Variants in SUMF1 observed in about 807,000 individuals in gnomAD.
The protein encoded by SUMF1 is sulfatase modifying factor 1.
A neutral mutation model predicts 47.6 loss-of-function variants in SUMF1; 48 were observed. That is an observed-to-expected ratio of 1.01 (90% CI 0.80 to 1.28). SUMF1 has a LOEUF of 1.28. SUMF1 is among the 50% of genes most tolerant of loss of function. The pLI is 0.00. For synonymous variants in SUMF1, 230 were observed against 192.1 expected (o/e 1.20, Z -1.63); for missense variants, 571 against 485.4 (o/e 1.18, Z -1.66).
At chr3:4,225,295 A>G (rs1237698708) in intron 8 of SUMF1, among the ~76,000 whole-genome samples, 1 of 152,134 alleles carries the variant, frequency 6.6e-6, no homozygotes. Flanking sequence ...CACAGGCCTC[A>G]GGAGCTCAGT....
At chr3:4,255,376 T>C (rs313659) in intron 8 of SUMF1, among the ~76,000 whole-genome samples, 27,668 of 68,216 alleles carry the variant, frequency 0.41, 5,754 homozygotes, top group African/African-American at 0.54. Context: ...ACCCATCTCA[T>C]GTGCAGAGAC....
chr3:4,166,932 T>C (rs957803493), intron 8 of SUMF1, among the ~76,000 whole-genome samples: 2 of 152,082 alleles, frequency 1.3e-5, no homozygotes, highest in Non-Finnish European at 2.9e-5. Flanking sequence ...ATGTGTTTAG[T>C]CCAGCGGCTG....
chr3:4,369,345 A>G (rs1688397), intron 8 of SUMF1, among the ~76,000 whole-genome samples: 3 of 152,188 alleles, frequency 2.0e-5, no homozygotes, highest in Non-Finnish European at 4.4e-5. Context: ...TGTGATCTGC[A>G]TGCAATGGAA....
intron 8 of SUMF1, among the ~76,000 whole-genome samples, chr3:4,299,254 T>A (rs1243881854): frequency 6.6e-6 from 1 of 152,212 alleles, no homozygotes. Flanking sequence ...AGCCACCCTC[T>A]GGGAGAACAA....
chr3:4,244,774 C>G (rs928327817), intron 8 of SUMF1, among the ~76,000 whole-genome samples: 7 of 152,042 alleles, frequency 4.6e-5, no homozygotes, highest in African/African-American at 1.7e-4. Flanking sequence ...CTGGTGTTCT[C>G]TGAATTTGAA....
At chr3:4,217,742 A>C (rs1227414856) in intron 8 of SUMF1, among the ~76,000 whole-genome samples, 1 of 106,110 alleles carries the variant, frequency 9.4e-6, no homozygotes, top group East Asian at 2.4e-4. Context: ...TGAACCACAA[A>C]ATTTCTTAGC....
In SUMF1 at chr3:4,454,547, G is replaced by C. The variant is rs76012523; in HGVS notation, c.271-1498C>G. Reference sequence around the variant, plus strand: ...GCAGTTTCTCAAAAAGCTAAACGAAGAGTTATATGACCCTGCAGTTCTCCT... The same window carrying C: ...GCAGTTTCTCAAAAAGCTAAACGAACAGTTATATGACCCTGCAGTTCTCCT... On this transcript the variant is annotated intron_variant, in intron 1 of 8. Transcript: ENST00000272902. Among the ~76,000 whole-genome samples the C allele has an allele frequency of 9.5e-3, 1,444 of 152,252 alleles. 12 individuals carry two copies. The highest frequency in any genetic ancestry group is 0.034 in the Middle Eastern group (10 of 294).
At chr3:4,038,857 A>G (rs528014994) in intron 9 of SUMF1, among the ~76,000 whole-genome samples, 2 of 152,294 alleles carry the variant, frequency 1.3e-5, no homozygotes, top group African/African-American at 4.8e-5. Flanking sequence ...GGAAAATGCA[A>G]ATCAAAAGAG....
chr3:4,052,498 C>T (rs1448961479), intron 9 of SUMF1, among the ~76,000 whole-genome samples: 1 of 152,182 alleles, frequency 6.6e-6, no homozygotes, highest in Admixed American at 6.6e-5. Flanking sequence ...CCCAGAGAAA[C>T]TGCAGCTCCT....
At chr3:4,198,045 T>TG (rs1695466529) in intron 8 of SUMF1, among the ~76,000 whole-genome samples, 1 of 130,974 alleles carries the variant, frequency 7.6e-6, no homozygotes, top group African/African-American at 2.6e-5. Context: ...TTTTTTTTTT[T>TG]CGGAAAGAGA....
At chr3:4,452,188 T>C (rs939356478) in intron 2 of SUMF1, among the ~76,000 whole-genome samples, 1 of 150,934 alleles carries the variant, frequency 6.6e-6, no homozygotes, top group African/African-American at 2.4e-5. Context: ...AGGTTTTTCG[T>C]GAGAGAAAAC....
At chr3:4,201,288 C>A (rs1262191921) in intron 8 of SUMF1, among the ~76,000 whole-genome samples, 2 of 152,132 alleles carry the variant, frequency 1.3e-5, no homozygotes, top group East Asian at 3.9e-4. Context: ...CCAACCCCCA[C>A]ACACTACCCT....
At chr3:4,454,448 T>C (rs114701321) in intron 1 of SUMF1, among the ~76,000 whole-genome samples, 1,784 of 152,352 alleles carry the variant, frequency 0.012, 38 homozygotes, top group African/African-American at 0.041. Context: ...CTGATGAGGA[T>C]GTGAAGAAAT....
chr3:4,443,288 AT>A lies in SUMF1; in HGVS notation c.519+5977del, dbSNP rs1360205900. ...CCAGACTCTGTCTCAAAAAATAAAA[AT>A]TTAAAAAATGAGGTAAATGGCATGA... is the stretch of plus-strand genomic sequence containing the variant. On this transcript the variant is annotated intron_variant, in intron 3 of 8. Coordinates refer to ENST00000272902, the MANE Select transcript of SUMF1 (RefSeq NM_182760.4). Among the ~76,000 whole-genome samples the A allele has an allele frequency of 2.0e-5, 3 of 152,132 alleles. No homozygotes were observed. The East Asian group carries it at 5.8e-4, about 29-fold the overall frequency.
At chr3:4,213,087 A>G (rs539357635) in intron 8 of SUMF1, among the ~76,000 whole-genome samples, 1 of 152,178 alleles carries the variant, frequency 6.6e-6, no homozygotes, top group Non-Finnish European at 1.5e-5. Flanking sequence ...CCTCAAGAAG[A>G]GCAACCCCAA....
intron 8 of SUMF1, among the ~76,000 whole-genome samples, chr3:4,373,938 T>C (rs1014568396): frequency 6.6e-6 from 1 of 152,148 alleles, no homozygotes; most frequent in Non-Finnish European, 1.5e-5. Context: ...CAAAATCATA[T>C]TATCATCTCA....
intron 8 of SUMF1, among the ~76,000 whole-genome samples, chr3:4,195,829 A>G (rs1695415319): frequency 6.6e-6 from 1 of 152,106 alleles, no homozygotes; most frequent in Non-Finnish European, 1.5e-5. Context: ...GAAATAAACT[A>G]AGAATCCTAT....
At chr3:4,465,107 C>G (rs1039122487) in intron 1 of SUMF1, among the ~76,000 whole-genome samples, 1 of 152,142 alleles carries the variant, frequency 6.6e-6, no homozygotes, top group African/African-American at 2.4e-5. Flanking sequence ...TTGAGACAGA[C>G]CAATGTATAT....
intron 9 of SUMF1, among the ~76,000 whole-genome samples, chr3:4,067,385 C>G (rs1358161273): frequency 6.6e-6 from 1 of 152,170 alleles, no homozygotes; most frequent in Non-Finnish European, 1.5e-5. Flanking sequence ...ACGTTGCCTT[C>G]CCACCATCTT....
Sources: allele counts gnomAD v4.1 joint callset (sites outside exome capture counted in the v4.1 genomes callset), GRCh38; gene constraint gnomAD v4.1.1; transcripts MANE v1.5; gene names NCBI Gene and HGNC (gene_info 2026-07-23, HGNC 2026-07-21).